The following TSNARE1 variants were observed in gnomAD, a reference collection of about 807,000 sequenced individuals.
TSNARE1 encodes t-SNARE domain-containing protein 1.
Under a neutral mutation model 62.0 loss-of-function variants are expected in TSNARE1, and 49 were observed. That is an observed-to-expected ratio of 0.79 (90% confidence interval 0.63 to 1.00). TSNARE1 has a LOEUF of 1.00. Ranked by LOEUF, TSNARE1 falls within the 50% of genes least tolerant of loss-of-function variation. TSNARE1 has a pLI of 0.00. For synonymous variants in TSNARE1, 328 were observed against 294.4 expected, an observed-to-expected ratio of 1.11 and a Z score of -1.17; for missense variants, 755 against 700.1, an observed-to-expected ratio of 1.08 and a Z score of -0.88.
intron 1 of TSNARE1, among the ~76,000 whole-genome samples, chr8:142,391,024 C>A (rs867161653): frequency 4.2e-5 from 6 of 143,462 alleles, no homozygotes; most frequent in Non-Finnish European, 4.6e-5. Context: ...CTGTAACAGA[C>A]GCTGTACACT....
chr8:142,300,450 G>C, intron 10 of TSNARE1, 36 bp downstream of exon 10: 1 of 1,577,524 alleles, frequency 6.3e-7, no homozygotes, highest in Non-Finnish European at 8.6e-7. Context: ...CATGTGGAGT[G>C]TGGAGAGTGA....
intron 7 of TSNARE1, among the ~76,000 whole-genome samples, chr8:142,316,755 C>T (rs906734628): frequency 1.3e-5 from 2 of 151,856 alleles, no homozygotes; most frequent in African/African-American, 2.4e-5. Flanking sequence ...ATACACTGTG[C>T]GTTTTCTTGC....
At chr8:142,225,319 C>T (rs1816722840) in intron 13 of TSNARE1, among the ~76,000 whole-genome samples, 2 of 152,182 alleles carry the variant, frequency 1.3e-5, no homozygotes, top group Admixed American at 6.5e-5. Context: ...ACCTTCTCTG[C>T]TCCTTGGCCC....
chr8:142,357,861 G>A (rs977094185), intron 1 of TSNARE1, among the ~76,000 whole-genome samples: 5 of 152,380 alleles, frequency 3.3e-5, no homozygotes, highest in Middle Eastern at 3.4e-3. Context: ...AGATGGGGAC[G>A]AGTCAGGGGG....
chr8:142,272,609 T>G (rs1381457646), intron 12 of TSNARE1: 1 of 389,444 alleles, frequency 2.6e-6, no homozygotes, highest in Non-Finnish European at 3.0e-6. Flanking sequence ...CCCACCCATC[T>G]ACACCTTCCT....
intron 1 of TSNARE1, among the ~76,000 whole-genome samples, chr8:142,387,701 TCAAA>T (rs1564011017): frequency 2.0e-5 from 3 of 152,070 alleles, no homozygotes; most frequent in African/African-American, 4.8e-5. Context: ...CCCAGAAAGT[TCAAA>T]CAGAGTAATT....
chr8:142,295,540 T>C (rs1354266992), intron 10 of TSNARE1, among the ~76,000 whole-genome samples: 1 of 152,212 alleles, frequency 6.6e-6, no homozygotes, highest in Admixed American at 6.5e-5. Context: ...CAAAGACGGC[T>C]GCCCTGCGGC....
chr8:142,267,034 A>G (rs1397195785), intron 12 of TSNARE1, among the ~76,000 whole-genome samples: 2 of 152,184 alleles, frequency 1.3e-5, no homozygotes. Flanking sequence ...TTAGAATCTT[A>G]TTGCTCATTT....
chr8:142,389,037 A>C (rs1053736588), intron 1 of TSNARE1, among the ~76,000 whole-genome samples: 1 of 152,248 alleles, frequency 6.6e-6, no homozygotes, highest in Non-Finnish European at 1.5e-5. Context: ...CAGCATGGTG[A>C]TGACATAAAA....
At position 142,345,814 on chromosome 8, in the gene TSNARE1, CA is replaced by C; in HGVS notation, c.166del (p.Cys56ValfsTer85). 1 of 1,614,004 alleles carries C rather than the reference CA, an allele frequency of 6.2e-7. No homozygotes were observed. The highest frequency in any genetic ancestry group is 1.1e-5 in the South Asian group (1 of 91,062). ...PSPESKLQNR[C>X]VGKDGEGDLG... ...ATCACCTTCCCCGTCCTTCCCCACA[CA>C]GCGGTTCTGCAGCTTGCTCTCTGGC... On this transcript the variant is annotated frameshift_variant, in exon 3 of 14. Transcript: ENST00000524325. LOFTEE classifies it high-confidence loss of function.
chr8:142,270,673 T>C (rs1819449577), intron 12 of TSNARE1: 1 of 985,358 alleles, frequency 1.0e-6, no homozygotes, highest in Non-Finnish European at 1.2e-6. Context: ...GGGACCTTTT[T>C]AGAGCCTGGC....
chr8:142,341,542 C>T (rs1017376894), intron 4 of TSNARE1, among the ~76,000 whole-genome samples: 2 of 152,176 alleles, frequency 1.3e-5, no homozygotes, highest in African/African-American at 4.8e-5. Context: ...GCACCTGGGG[C>T]GCATCCAGAC....
intron 10 of TSNARE1, among the ~76,000 whole-genome samples, chr8:142,287,040 G>A (rs1026162599): frequency 1.3e-5 from 2 of 152,236 alleles, no homozygotes; most frequent in Non-Finnish European, 2.9e-5. Flanking sequence ...GCTGGAATCC[G>A]CATCCAACCC....
chr8:142,277,778 C>G (rs1375151183), intron 11 of TSNARE1: 2 of 985,296 alleles, frequency 2.0e-6, no homozygotes, highest in East Asian at 2.3e-4. Context: ...GAAGTCGAGG[C>G]TGGGTCTCAG....
intron 12 of TSNARE1, among the ~76,000 whole-genome samples, chr8:142,268,704 A>G (rs999992980): frequency 6.6e-6 from 1 of 152,140 alleles, no homozygotes; most frequent in Non-Finnish European, 1.5e-5. Flanking sequence ...GCAGGCAGAG[A>G]TCTCCTTCAA....
Position 142,344,069 on chromosome 8 carries a change from G to A in TSNARE1, c.642C>T (p.Gly214=). Residue 214 remains glycine, a synonymous_variant, in exon 4 of 14, where the codon GGC becomes GGT. Coordinates refer to ENST00000524325, the MANE Select transcript of TSNARE1 (RefSeq NM_145003.5). ...GCGTGAGAGCCAGGGCCTGGGGCTT[G>A]CCGGAACCAGGGCTGGGGCCATGGG... ...KAAHGPSPGS[G]KPQALALTPV... 2 of 1,603,248 alleles carry A rather than the reference G, an allele frequency of 1.2e-6. No homozygotes were observed. The highest frequency in any genetic ancestry group is 1.1e-5 in the South Asian group (1 of 90,124).
chr8:142,303,986 C>G (rs1826222993), intron 9 of TSNARE1, among the ~76,000 whole-genome samples: 1 of 152,368 alleles, frequency 6.6e-6, no homozygotes, highest in Non-Finnish European at 1.5e-5. Context: ...GCACCTTGCC[C>G]AGGTCCTGCA....
chr8:142,250,080 C>T (rs937800796), intron 12 of TSNARE1, among the ~76,000 whole-genome samples: 18 of 152,252 alleles, frequency 1.2e-4, no homozygotes, highest in Admixed American at 5.2e-4. Context: ...CTTCAGAGTG[C>T]GCCGCATGAG....
At chr8:142,212,924 C>T (rs1815638640) in intron 13 of TSNARE1, among the ~76,000 whole-genome samples, 1 of 116,920 alleles carries the variant, frequency 8.6e-6, no homozygotes, top group East Asian at 2.7e-4. Context: ...TCCCTCCCTC[C>T]CCCTCCCTCT....
Sources: allele counts gnomAD v4.1 joint callset (sites outside exome capture counted in the v4.1 genomes callset), GRCh38; gene constraint gnomAD v4.1.1; transcripts MANE v1.5; gene names NCBI Gene and HGNC (gene_info 2026-07-23, HGNC 2026-07-21).